Variants in RPS6KA5 observed in about 807,000 individuals in gnomAD.
RPS6KA5 encodes ribosomal protein S6 kinase alpha-5.
A neutral mutation model predicts 85.5 loss-of-function variants in RPS6KA5; 27 were observed. The ratio of observed to expected loss-of-function variants is 0.32; its 90% CI spans 0.23 to 0.44. RPS6KA5 has a LOEUF of 0.44. Among genes scored for constraint, RPS6KA5 ranks in the 20% least tolerant of loss-of-function variants. The pLI, the probability that RPS6KA5 is intolerant of heterozygous loss-of-function variation, is 1.00. For missense variants in RPS6KA5, 811 were observed against 980.9 expected (o/e 0.83, Z 2.31); for synonymous variants, 334 against 348.2 (o/e 0.96, Z 0.46).
intron 1 of RPS6KA5, among the ~76,000 whole-genome samples, chr14:91,021,665 A>G (rs1443105865): frequency 2.0e-5 from 3 of 152,084 alleles, no homozygotes; most frequent in South Asian, 2.1e-4. Context: ...CGCCCACCTC[A>G]GCCTCCCAAA....
At position 90,890,481 on chromosome 14, in the gene RPS6KA5, A is replaced by G. The variant is rs946101032; in HGVS notation, c.1836+6T>C. 2 of 1,600,120 alleles carry G rather than the reference A, an allele frequency of 1.2e-6. No homozygotes were observed. The highest frequency in any genetic ancestry group is 1.7e-6 in the Non-Finnish European group (2 of 1,173,028). On this transcript the variant is annotated splice_donor_region_variant and intron_variant, in intron 14 of 16. Coordinates refer to ENST00000614987, the MANE Select transcript of RPS6KA5 (RefSeq NM_004755.4). ...AGGTTTAATGACTGTATTGAAAAGA[A>G]CTCACCAAAATGACGCCCAAGCTCC...
At chr14:90,943,219 A>AT in intron 4 of RPS6KA5, 34 bp from the exon 5 acceptor site, 1 of 1,278,288 alleles carries the variant, frequency 7.8e-7, no homozygotes, top group Non-Finnish European at 1.1e-6. Flanking sequence ...TTTTAAAATA[A>AT]TTTACAAAAA....
chr14:90,932,491 C>A (rs1451435591), intron 5 of RPS6KA5, among the ~76,000 whole-genome samples: 1 of 152,114 alleles, frequency 6.6e-6, no homozygotes, highest in African/African-American at 2.4e-5. Flanking sequence ...ACCCAGCAAA[C>A]ACATTCATTT....
At chr14:90,986,098 G>A (rs944920516) in intron 2 of RPS6KA5, among the ~76,000 whole-genome samples, 1 of 152,112 alleles carries the variant, frequency 6.6e-6, no homozygotes. Flanking sequence ...GGATTCAACC[G>A]TGGTTTATGC....
intron 1 of RPS6KA5, among the ~76,000 whole-genome samples, chr14:91,046,681 G>T (rs1368414216): frequency 6.6e-6 from 1 of 152,078 alleles, no homozygotes; most frequent in Admixed American, 6.6e-5. Flanking sequence ...ATAGAAAACC[G>T]CATCGTACAA....
chr14:90,896,887 A>AT, intron 12 of RPS6KA5, among the ~76,000 whole-genome samples: 1 of 151,878 alleles, frequency 6.6e-6, no homozygotes, highest in Middle Eastern at 3.4e-3. Flanking sequence ...CGCCTGACTA[A>AT]TTTTTTGTAT....
At chr14:90,928,079 TACC>T (rs1433242299) in intron 5 of RPS6KA5, among the ~76,000 whole-genome samples, 2 of 151,778 alleles carry the variant, frequency 1.3e-5, no homozygotes, top group Non-Finnish European at 2.9e-5. Context: ...GGGCTCTTGC[TACC>T]ACGCCTGGCT....
At chr14:90,880,817 T>C (rs968140287) in intron 14 of RPS6KA5, among the ~76,000 whole-genome samples, 5 of 151,976 alleles carry the variant, frequency 3.3e-5, no homozygotes, top group African/African-American at 1.2e-4. Context: ...CTGACCCTCT[T>C]TGTCTTTTGT....
chr14:90,993,913 T>G (rs1286154), intron 2 of RPS6KA5, among the ~76,000 whole-genome samples: 2,606 of 152,222 alleles, frequency 0.017, 83 homozygotes, highest in African/African-American at 0.059. Flanking sequence ...TCTCTATTTT[T>G]TTTTTTTTGA....
chr14:90,937,452 T>A (rs561611482), intron 5 of RPS6KA5, among the ~76,000 whole-genome samples: 1 of 152,272 alleles, frequency 6.6e-6, no homozygotes, highest in East Asian at 1.9e-4. Context: ...TCCCCATTTT[T>A]AAAATTTTAA....
At chr14:91,010,277 C>A (rs888998248) in intron 1 of RPS6KA5, among the ~76,000 whole-genome samples, 1 of 152,144 alleles carries the variant, frequency 6.6e-6, no homozygotes, top group Non-Finnish European at 1.5e-5. Context: ...CATGACATGA[C>A]TGTTAAATAG....
At chr14:91,037,675 T>C (rs528081496) in intron 1 of RPS6KA5, among the ~76,000 whole-genome samples, 1 of 152,342 alleles carries the variant, frequency 6.6e-6, no homozygotes, top group South Asian at 2.1e-4. Flanking sequence ...TCTTGCATAT[T>C]TATCTAATGT....
chr14:90,888,155 A>AT (rs2034343203), intron 14 of RPS6KA5, among the ~76,000 whole-genome samples: 1 of 152,012 alleles, frequency 6.6e-6, no homozygotes, highest in African/African-American at 2.4e-5. Context: ...CTGTGATATC[A>AT]TTTAACCTGT....
rs1347072506 is a variant in RPS6KA5 at position 90,866,782 on chromosome 14, A to T, written c.*5292T>A. The T allele has an allele frequency of 2.0e-5, 3 of 152,198 alleles. No individual in the cohort carries two copies. Among genetic ancestry groups the T allele is most frequent in the Non-Finnish European group, 4.4e-5 (3 of 68,030 alleles). 9.4% of individuals were successfully genotyped at this position (152,198 alleles called of 1,614,324 possible). ...TCTTTTCAAAAATTCATGCCTGTGA[A>T]GTTTTTAGGAATATTTTTCAAAACT... On this transcript the variant is annotated 3_prime_UTR_variant, in exon 17 of 17. Coordinates refer to ENST00000614987, the MANE Select transcript of RPS6KA5 (RefSeq NM_004755.4).
chr14:91,005,394 TTTG>T (rs962015484), intron 1 of RPS6KA5, among the ~76,000 whole-genome samples: 2 of 152,208 alleles, frequency 1.3e-5, no homozygotes, highest in East Asian at 1.9e-4. Flanking sequence ...ACCACATGTT[TTTG>T]TTGTTGTTGT....
Position 90,900,707 on chromosome 14 carries a change from T to C in RPS6KA5, c.1149A>G (p.Leu383=), listed in dbSNP as rs1253282085. Residue 383 remains leucine, a synonymous_variant, in exon 10 of 17, where the codon CTA becomes CTG. Coordinates refer to ENST00000614987, the MANE Select transcript of RPS6KA5 (RefSeq NM_004755.4). ...QGYSFVAPSI[L]FKRNAAVIDP... ...CTATGACAGCTGCATTACGCTTGAA[T>C]AGGATGGAAGGAGCAACAAAGGAAT... 4 of 1,613,682 alleles carry C rather than the reference T, an allele frequency of 2.5e-6. No individual in the cohort carries two copies. Among genetic ancestry groups the C allele is most frequent in the East Asian group, 2.2e-5 (1 of 44,840 alleles).
chr14:90,906,392 GAA>G, intron 7 of RPS6KA5, 93 bp from the exon 8 acceptor site: 1 of 984,454 alleles, frequency 1.0e-6, no homozygotes, highest in Non-Finnish European at 1.5e-6. Context: ...AACCACATGT[GAA>G]AGAGAGATAT....
intron 3 of RPS6KA5, among the ~76,000 whole-genome samples, chr14:90,954,905 A>T (rs2038420233): frequency 6.6e-6 from 1 of 152,244 alleles, no homozygotes; most frequent in Non-Finnish European, 1.5e-5. Context: ...GTTGTTCATG[A>T]TGATCCTTTC....
intron 6 of RPS6KA5, among the ~76,000 whole-genome samples, chr14:90,921,664 T>A (rs934361584): frequency 5.3e-5 from 8 of 152,226 alleles, no homozygotes; most frequent in African/African-American, 9.7e-5. Context: ...ATTATTCAAC[T>A]GACAGAGATC....
Sources: gnomAD v4.1 joint callset for allele counts (sites outside exome capture counted in the v4.1 genomes callset) on GRCh38, gnomAD v4.1.1 for gene constraint, MANE v1.5 for transcripts, NCBI Gene and HGNC (gene_info 2026-07-23, HGNC 2026-07-21) for gene names.